DPP6: variants seen among roughly 807,000 people sequenced by gnomAD.
DPP6 encodes the protein dipeptidyl peptidase like 6.
In DPP6, 69 loss-of-function variants were observed where a neutral mutation model predicts 122.6. That is an observed-to-expected ratio of 0.56 (90% CI 0.46 to 0.69). The LOEUF is 0.69. Among genes scored for constraint, DPP6 ranks in the 30% least tolerant of loss-of-function variants. The pLI, the probability that DPP6 is intolerant of heterozygous loss-of-function variation, is 0.00. For synonymous variants in DPP6, 418 were observed against 433.1 expected (o/e 0.97, Z 0.43); for missense variants, 928 against 1,116.9 (o/e 0.83, Z 2.41).
rs1225687501 is a variant in DPP6 at position 154,322,179 on chromosome 7, G to C, written c.244-124035G>C. ...GGCTAAAGTTATGTGTCCACCTCTA[G>C]AGCAGCCACCTGGCCTGGGGACGAA... On this transcript the variant is annotated intron_variant, in intron 1 of 25. Coordinates refer to ENST00000377770, the MANE Select transcript of DPP6 (RefSeq NM_130797.4). 2.0e-5 allele frequency among the ~76,000 whole-genome samples: 3 copies of C among 151,998 alleles called. No homozygotes were observed. The East Asian group carries it at 5.8e-4, about 30-fold the overall frequency.
the DPP6 span, among the ~76,000 whole-genome samples, chr7:153,831,981 C>T: frequency 2.6e-5 from 4 of 152,240 alleles, no homozygotes; most frequent in Admixed American, 6.5e-5. Flanking sequence ...CTGTCATGAG[C>T]GCCTCATAAT....
chr7:154,093,871 C>T (rs1260394351), intron 1 of DPP6: 2 of 152,124 alleles, frequency 1.3e-5, no homozygotes, highest in Non-Finnish European at 2.9e-5. Flanking sequence ...GGGATCCCGC[C>T]GTGCTTCCTT....
chr7:154,113,549 A>T (rs1806761833), intron 1 of DPP6, among the ~76,000 whole-genome samples: 1 of 152,124 alleles, frequency 6.6e-6, no homozygotes, highest in South Asian at 2.1e-4. Flanking sequence ...GATGTTGAAC[A>T]TCTTTTTATG....
intron 1 of DPP6, among the ~76,000 whole-genome samples, chr7:153,993,441 A>T (rs71530466): frequency 6.6e-6 from 1 of 151,754 alleles, no homozygotes; most frequent in East Asian, 1.9e-4. Flanking sequence ...TCCTTAAAAA[A>T]CTCTGCCTCA....
the DPP6 span, among the ~76,000 whole-genome samples, chr7:153,843,899 G>A: frequency 1.3e-5 from 2 of 152,152 alleles, no homozygotes; most frequent in Non-Finnish European, 2.9e-5. Context: ...TCGGAAGGGA[G>A]TATGCCTTAA....
At position 154,607,554 on chromosome 7, in the gene DPP6, T is replaced by G. The variant is rs1833631747; in HGVS notation, c.628-30267T>G. 4.0e-5 allele frequency among the ~76,000 whole-genome samples: 2 copies of G among 50,398 alleles called. 1 individual carries two copies. Among genetic ancestry groups the G allele is most frequent in the African/African-American group, 1.2e-4 (2 of 16,872 alleles). 33.1% of individuals were successfully genotyped at this position (50,398 alleles called of 152,430 possible). A position where few individuals can be genotyped will look rare whatever the true frequency, so the allele number is the denominator to read the frequency against. On this transcript the variant is annotated intron_variant, in intron 5 of 25. Coordinates refer to ENST00000377770, the MANE Select transcript of DPP6 (RefSeq NM_130797.4). The stretch of plus-strand genomic sequence containing the variant: ...TCCAGCCTGGGCGACAGAGCAAGAC[T>G]CTGTCTCAAAAAAAAAAAAAAAAAA...
At chr7:154,104,851 C>G (rs530212300) in intron 1 of DPP6, among the ~76,000 whole-genome samples, 2 of 142,488 alleles carry the variant, frequency 1.4e-5, no homozygotes, top group African/African-American at 5.3e-5. Flanking sequence ...GGCTGGGAGT[C>G]GTGGCATACC....
chr7:153,840,942 A>G, the DPP6 span, among the ~76,000 whole-genome samples: 3 of 152,220 alleles, frequency 2.0e-5, no homozygotes, highest in Non-Finnish European at 4.4e-5. Context: ...GGCAAGCCTG[A>G]GGAGCAGTCA....
intron 1 of DPP6, among the ~76,000 whole-genome samples, chr7:154,406,478 T>TACACAC (rs35978383): frequency 6.8e-6 from 1 of 146,604 alleles, no homozygotes; most frequent in Non-Finnish European, 1.5e-5. Context: ...CGCACACGCA[T>TACACAC]ACACACACAC....
chr7:154,063,527 A>T (rs1427878608), intron 1 of DPP6, among the ~76,000 whole-genome samples: 5 of 98,716 alleles, frequency 5.1e-5, no homozygotes, highest in Non-Finnish European at 8.6e-5. Flanking sequence ...CAGGAGGGGG[A>T]GGCACCCCCC....
intron 1 of DPP6, among the ~76,000 whole-genome samples, chr7:154,393,798 C>G (rs1344911352): frequency 1.3e-5 from 2 of 152,082 alleles, no homozygotes; most frequent in Non-Finnish European, 2.9e-5. Context: ...TAAACAATCT[C>G]TTCATTCCTC....
At chr7:154,558,344 C>T (rs971606290) in intron 4 of DPP6, among the ~76,000 whole-genome samples, 3 of 152,154 alleles carry the variant, frequency 2.0e-5, no homozygotes, top group African/African-American at 4.8e-5. Flanking sequence ...AATTACAGAA[C>T]TCTGTTAGAT....
At chr7:154,169,143 C>T (rs1797407774) in intron 1 of DPP6, among the ~76,000 whole-genome samples, 1 of 152,142 alleles carries the variant, frequency 6.6e-6, no homozygotes, top group Non-Finnish European at 1.5e-5. Context: ...AGTTGCTATT[C>T]TGAGTCATTT....
Position 154,875,854 on chromosome 7 carries a change from A to G in DPP6, c.1884-52A>G. On this transcript the variant is annotated intron_variant, in intron 19 of 25. Coordinates refer to ENST00000377770, the MANE Select transcript of DPP6 (RefSeq NM_130797.4). The surrounding 1 kb of genome is among the most constrained non-coding windows in gnomAD (Gnocchi z 4.5). ...CATCTGACGTGGCAGCTGCTAGACC[A>G]GCCGCCACCCACCACGCAGCAGGCC... The G allele has an allele frequency of 6.4e-7, 1 of 1,564,112 alleles. No individual in the cohort carries two copies. Among genetic ancestry groups the G allele is most frequent in the Non-Finnish European group, 8.6e-7 (1 of 1,156,278 alleles).
intron 1 of DPP6, among the ~76,000 whole-genome samples, chr7:153,952,083 C>T (rs756812905): frequency 1.1e-4 from 17 of 152,284 alleles, no homozygotes; most frequent in Non-Finnish European, 2.5e-4. Flanking sequence ...GAATGAATCT[C>T]ATTAACCTTT....
At chr7:154,147,897 T>G (rs1796196714) in intron 1 of DPP6, among the ~76,000 whole-genome samples, 1 of 151,848 alleles carries the variant, frequency 6.6e-6, no homozygotes, top group Non-Finnish European at 1.5e-5. Flanking sequence ...TTTTGATGTT[T>G]AAATGAAGGA....
At chr7:154,446,550 T>A (rs1819888434) in intron 2 of DPP6, among the ~76,000 whole-genome samples, 1 of 152,228 alleles carries the variant, frequency 6.6e-6, no homozygotes, top group Non-Finnish European at 1.5e-5. Flanking sequence ...ATGCTTGGCA[T>A]ATATTAAAAT....
rs376743579 is a variant in DPP6 at position 154,417,434 on chromosome 7, A to G, written c.244-28780A>G. Reference sequence around the variant, plus strand: ...ATAATGCCTGAGACTTTCTAAACGGAAGTCCTATCTGTAGCTCAGGCCATT... The same window carrying G: ...ATAATGCCTGAGACTTTCTAAACGGGAGTCCTATCTGTAGCTCAGGCCATT... On this transcript the variant is annotated intron_variant, in intron 1 of 25. Transcript: ENST00000377770. Among the ~76,000 whole-genome samples the G allele has an allele frequency of 2.6e-4, 39 of 152,268 alleles. 1 individual carries two copies. In the South Asian group the frequency reaches 8.1e-3, roughly 32 times the overall value.
At chr7:153,760,755 C>G in the DPP6 span, among the ~76,000 whole-genome samples, 2 of 152,082 alleles carry the variant, frequency 1.3e-5, no homozygotes, top group African/African-American at 2.4e-5. Context: ...TATCTGAGCA[C>G]GTACTATTTT....
Sources: allele counts gnomAD v4.1 joint callset (sites outside exome capture counted in the v4.1 genomes callset), GRCh38; gene constraint gnomAD v4.1.1; non-coding constraint Gnocchi (gnomAD v3.1); transcripts MANE v1.5; gene names NCBI Gene and HGNC (gene_info 2026-07-23, HGNC 2026-07-21).